MYH13: variants seen among roughly 807,000 people sequenced by gnomAD.
MYH13 encodes myosin heavy chain 13.
A neutral mutation model predicts 232.1 loss-of-function variants in MYH13; 177 were observed. The observed-to-expected ratio is 0.76, with a 90% confidence interval of 0.67 to 0.86. MYH13 has a LOEUF of 0.86. MYH13 is among the 40% of genes least tolerant of loss of function. The pLI is 0.00. For missense variants in MYH13, 2,246 were observed against 2,405.9 expected (o/e 0.93, Z 1.39); for synonymous variants, 884 against 923.5 (o/e 0.96, Z 0.78).
chr17:10,361,715 A>G (rs115194534), intron 5 of MYH13, among the ~76,000 whole-genome samples: 285 of 152,316 alleles, frequency 1.9e-3, no homozygotes, highest in African/African-American at 6.7e-3. Context: ...TCATTCTGGA[A>G]ATTAAAGGAG....
At position 10,323,249 on chromosome 17, in the gene MYH13, T is replaced by C. The variant is rs117939189; in HGVS notation, c.2934+773A>G. Among the ~76,000 whole-genome samples, 18 of 152,278 alleles carry C rather than the reference T, an allele frequency of 1.2e-4. No individual in the cohort carries two copies. The East Asian group carries it at 3.5e-3, about 29-fold the overall frequency. ...TTTGACTGAGTAATTCCAAATAACT[T>C]TCCCAAAGGCTGCATCAGTCTCTGT... On this transcript the variant is annotated intron_variant, in intron 23 of 40. Transcript: ENST00000252172.
chr17:10,332,338 C>T, intron 19 of MYH13, 116 bp from the exon 20 acceptor site: 1 of 1,360,636 alleles, frequency 7.3e-7, no homozygotes, highest in Non-Finnish European at 1.0e-6. Flanking sequence ...GAATACTGTA[C>T]AGCTGGTCTG....
At chr17:10,340,060 C>T in intron 18 of MYH13, 90 bp downstream of exon 18, 1 of 1,140,170 alleles carries the variant, frequency 8.8e-7, no homozygotes, top group Non-Finnish European at 1.3e-6. Flanking sequence ...CAGACCATCA[C>T]TCTTTCCAAA....
At chr17:10,308,224 T>C (rs1017537681) in intron 35 of MYH13, among the ~76,000 whole-genome samples, 1 of 151,116 alleles carries the variant, frequency 6.6e-6, no homozygotes, top group Non-Finnish European at 1.5e-5. Context: ...CTCAGGAGGC[T>C]GAGGCAGGAG....
intron 12 of MYH13, among the ~76,000 whole-genome samples, chr17:10,348,165 A>G (rs980664815): frequency 6.6e-6 from 1 of 152,182 alleles, no homozygotes; most frequent in Non-Finnish European, 1.5e-5. Flanking sequence ...TGCTTTGCCC[A>G]TTCAGGTAGA....
At chr17:10,332,718 G>T (rs979559430) in intron 19 of MYH13, among the ~76,000 whole-genome samples, 1 of 152,164 alleles carries the variant, frequency 6.6e-6, no homozygotes, top group Non-Finnish European at 1.5e-5. Context: ...GTGGGGAGGG[G>T]TGTGGTTTGC....
chr17:10,326,086 A>G (rs1163456576), intron 22 of MYH13, among the ~76,000 whole-genome samples: 2 of 152,206 alleles, frequency 1.3e-5, no homozygotes, highest in African/African-American at 2.4e-5. Context: ...TGTGCCAGGC[A>G]TTTTACAGGC....
intron 2 of MYH13, among the ~76,000 whole-genome samples, chr17:10,368,851 A>G (rs959180541): frequency 6.6e-5 from 10 of 152,212 alleles, no homozygotes; most frequent in Admixed American, 1.3e-4. Flanking sequence ...AGCGTTAAGC[A>G]TGATACCCAA....
At chr17:10,344,755 A>C (rs1054089797) in intron 15 of MYH13, among the ~76,000 whole-genome samples, 1 of 138,864 alleles carries the variant, frequency 7.2e-6, no homozygotes, top group Non-Finnish European at 1.5e-5. Context: ...TGGGAGGTGG[A>C]GGTTGCAGTG....
chr17:10,332,543 C>T (rs1053163716), intron 19 of MYH13, among the ~76,000 whole-genome samples: 5 of 152,302 alleles, frequency 3.3e-5, no homozygotes, highest in African/African-American at 4.8e-5. Context: ...ACCTGTAGGC[C>T]GTGGTTCTCC....
intron 33 of MYH13, among the ~76,000 whole-genome samples, chr17:10,310,821 T>C (rs1000286870): frequency 1.4e-4 from 21 of 152,230 alleles, no homozygotes; most frequent in Admixed American, 5.9e-4. Flanking sequence ...GATTCTGCGC[T>C]GCTCTCAGGA....
intron 21 of MYH13, among the ~76,000 whole-genome samples, 185 bp downstream of exon 21, chr17:10,330,202 G>T (rs974863426): frequency 1.3e-5 from 2 of 152,068 alleles, no homozygotes; most frequent in African/African-American, 4.8e-5. Flanking sequence ...GTGAGGGAGG[G>T]TTCATTTCTG....
intron 22 of MYH13, 136 bp downstream of exon 22, chr17:10,327,730 G>T: frequency 9.3e-7 from 1 of 1,072,190 alleles, no homozygotes; most frequent in Non-Finnish European, 1.3e-6. Flanking sequence ...GAGCAAGGTG[G>T]TGCTGCAATA....
At chr17:10,308,839 G>A (rs1038906205) in intron 35 of MYH13, among the ~76,000 whole-genome samples, 3 of 152,034 alleles carry the variant, frequency 2.0e-5, no homozygotes, top group Non-Finnish European at 4.4e-5. Flanking sequence ...TCCCACCTTG[G>A]CCTCCCAAAG....
At chr17:10,350,316 G>A (rs1307603777) in intron 12 of MYH13, among the ~76,000 whole-genome samples, 2 of 152,118 alleles carry the variant, frequency 1.3e-5, no homozygotes, top group Non-Finnish European at 2.9e-5. Flanking sequence ...TGGAGTGCGT[G>A]GTGATTATTC....
intron 16 of MYH13, among the ~76,000 whole-genome samples, chr17:10,343,321 C>CT (rs1165302796): frequency 1.1e-4 from 16 of 152,054 alleles, no homozygotes; most frequent in African/African-American, 3.4e-4. Flanking sequence ...CCTCAGCTGC[C>CT]TGAGTATCTG....
intron 18 of MYH13, among the ~76,000 whole-genome samples, chr17:10,336,468 G>GATCCGGC (rs1318101642): frequency 6.6e-6 from 1 of 152,108 alleles, no homozygotes; most frequent in Non-Finnish European, 1.5e-5. Flanking sequence ...ATCTTATGAT[G>GATCCGGC]ATCCGGCATC....
intron 16 of MYH13, among the ~76,000 whole-genome samples, chr17:10,343,120 TGG>T (rs1194723028): frequency 6.7e-6 from 1 of 148,792 alleles, no homozygotes; most frequent in Non-Finnish European, 1.5e-5. Flanking sequence ...AATCTGCTCA[TGG>T]GTTACGGGGG....
chr17:10,330,254 C>T, intron 21 of MYH13, 133 bp downstream of exon 21: 1 of 1,301,412 alleles, frequency 7.7e-7, no homozygotes, highest in South Asian at 1.5e-5. Context: ...AGGATTGCCG[C>T]TCAGTAGATG....
Sources: gnomAD v4.1 joint callset for allele counts (sites outside exome capture counted in the v4.1 genomes callset) on GRCh38, gnomAD v4.1.1 for gene constraint, MANE v1.5 for transcripts, NCBI Gene and HGNC (gene_info 2026-07-23, HGNC 2026-07-21) for gene names.